Variants in GPS1 observed in about 807,000 individuals in gnomAD.
GPS1 encodes COP9 signalosome complex subunit 1.
Under a neutral mutation model 60.0 loss-of-function variants are expected in GPS1, and 11 were observed. The ratio of observed to expected loss-of-function variants is 0.18; its 90% CI spans 0.12 to 0.30. The LOEUF is 0.30. GPS1 is among the 10% of genes least tolerant of loss of function. GPS1 has a pLI of 1.00. For missense variants in GPS1, 543 were observed against 669.2 expected (o/e 0.81, Z 2.08); for synonymous variants, 343 against 269.8 (o/e 1.27, Z -2.66).
At chr17:82,051,262 C>T (rs779702801), upstream of GPS1, 158 of 1,346,726 alleles carry the variant, frequency 1.2e-4, no homozygotes, top group Middle Eastern at 1.3e-3. This position sits in a 1 kb window ranked among gnomAD's most constrained non-coding sequence, Gnocchi z 4.1. Context: ...GGGGGCAGAT[C>T]CCGCGGGCGC....
intron 1 of GPS1, chr17:82,052,393 C>A (rs140262257): frequency 1.1e-4 from 170 of 1,612,008 alleles, no homozygotes; most frequent in Non-Finnish European, 9.7e-5. Context: ...CAGACCTCGT[C>A]CTGCCCGGCA....
chr17:82,054,259 G>A (rs2031944238), intron 3 of GPS1: 1 of 730,972 alleles, frequency 1.4e-6, no homozygotes, highest in Non-Finnish European at 2.2e-6. Flanking sequence ...ATTCCAAGGG[G>A]AGCTGTTGGA....
At chr17:82,051,017 C>G (rs137964839), upstream of GPS1, 967 of 1,402,864 alleles carry the variant, frequency 6.9e-4, 5 homozygotes, top group African/African-American at 0.013. This position sits in a 1 kb window ranked among gnomAD's most constrained non-coding sequence, Gnocchi z 4.1. Context: ...CTGACCTGGC[C>G]TGGAAGGGCG....
At chr17:82,051,341 G>A, upstream of GPS1, 4 of 1,467,090 alleles carry the variant, frequency 2.7e-6, no homozygotes, top group African/African-American at 1.5e-5. This position sits in a 1 kb window ranked among gnomAD's most constrained non-coding sequence, Gnocchi z 4.1. Flanking sequence ...GAAGATAAAC[G>A]TCTGGGGGAG....
chr17:82,052,475 G>A (rs2031046067), intron 1 of GPS1: 3 of 1,605,184 alleles, frequency 1.9e-6, no homozygotes, highest in Non-Finnish European at 2.6e-6. Context: ...TTCCAGGACA[G>A]GGACCCCCGA....
chr17:82,052,497 G>T, intron 1 of GPS1: 1 of 1,595,654 alleles, frequency 6.3e-7, no homozygotes, highest in South Asian at 1.1e-5. Flanking sequence ...CGAGGGAGGG[G>T]GGAGCAGGGC....
At chr17:82,056,243 G>A in intron 8 of GPS1, 43 bp from the exon 9 acceptor site, 2 of 1,446,514 alleles carry the variant, frequency 1.4e-6, no homozygotes, top group Admixed American at 1.7e-5. Flanking sequence ...CTTGGAGGGA[G>A]GGGCAGGCAG....
upstream of GPS1, chr17:82,051,129 G>A (rs1403073222): frequency 1.1e-5 from 14 of 1,325,938 alleles, no homozygotes; most frequent in Non-Finnish European, 1.3e-5. This position sits in a 1 kb window ranked among gnomAD's most constrained non-coding sequence, Gnocchi z 4.1. Flanking sequence ...GGCTGGCAGG[G>A]TGGGCCCTCC....
chr17:82,053,465 C>T (rs887819962), intron 2 of GPS1, 99 bp downstream of exon 2: 50 of 853,534 alleles, frequency 5.9e-5, no homozygotes, highest in African/African-American at 7.0e-5. Context: ...GAATGATCCT[C>T]CTCAGTGATC....
chr17:82,054,603 G>A lies in GPS1; in HGVS notation c.402G>A (p.Ala134=), dbSNP rs747792808. The change falls in exon 4 of 13, where the codon GCG becomes GCA. Residue 134 remains alanine, a synonymous_variant. Coordinates refer to ENST00000578552, the MANE Select transcript of GPS1 (RefSeq NM_001321092.3). ...GGGTGGAGGCCACGCGGAAGAAGGCGCTGCTGAAGCTGGAGAAGCTGGACA... is the reference window on the plus strand; with the variant it reads ...GGGTGGAGGCCACGCGGAAGAAGGCACTGCTGAAGCTGGAGAAGCTGGACA... The part of the protein sequence containing the change: ...TAWVEATRKK[A]LLKLEKLDTD... 8.7e-6 allele frequency: 14 copies of A among 1,606,490 alleles called. No individual in the cohort carries two copies. Among genetic ancestry groups the A allele is most frequent in the East Asian group, 2.2e-5 (1 of 44,720 alleles).
At chr17:82,054,461 C>G in intron 3 of GPS1, 49 bp from the exon 4 acceptor site, 1 of 1,448,584 alleles carries the variant, frequency 6.9e-7, no homozygotes, top group African/African-American at 1.4e-5. Context: ...CTCCCCTCCT[C>G]CCTGGCCCCC....
chr17:82,052,697 T>G (rs2144347356), intron 1 of GPS1: 1 of 556,532 alleles, frequency 1.8e-6, no homozygotes, highest in South Asian at 2.2e-5. Context: ...TGGCGGCTTT[T>G]CCAGCCTGCT....
upstream of GPS1, chr17:82,051,451 C>G: frequency 3.0e-6 from 4 of 1,331,690 alleles, no homozygotes; most frequent in South Asian, 8.5e-5. This position sits in a 1 kb window ranked among gnomAD's most constrained non-coding sequence, Gnocchi z 4.1. Context: ...CCCTGGGAGG[C>G]GGGGCGGGTG....
At chr17:82,051,839 A>C, upstream of GPS1, 1 of 1,138,644 alleles carries the variant, frequency 8.8e-7, no homozygotes, top group African/African-American at 1.7e-5. This position sits in a 1 kb window ranked among gnomAD's most constrained non-coding sequence, Gnocchi z 4.1. Context: ...GGCCCCTTTA[A>C]GAACGCAGCG....
chr17:82,055,797 C>T lies in GPS1; in HGVS notation c.806C>T (p.Ala269Val). ...YKQAAKCLLL[A>V]SFDHCDFPEL... ...CAGGCTGCCAAGTGCCTCCTGCTGG[C>T]TTCCTTTGATCACTGTGACTTCCCT... The change falls in exon 7 of 13, where the codon GCT becomes GTT. Residue 269 changes from alanine to valine, a missense_variant. By Grantham distance (64) the Ala-to-Val change is moderately conservative. Coordinates refer to ENST00000578552, the MANE Select transcript of GPS1 (RefSeq NM_001321092.3). 1 of 1,564,300 alleles carries T rather than the reference C, an allele frequency of 6.4e-7. No homozygotes were observed. Among genetic ancestry groups the T allele is most frequent in the Non-Finnish European group, 8.7e-7 (1 of 1,153,636 alleles).
At chr17:82,051,381 C>T, upstream of GPS1, 1 of 1,442,312 alleles carries the variant, frequency 6.9e-7, no homozygotes, top group Non-Finnish European at 9.1e-7. This position sits in a 1 kb window ranked among gnomAD's most constrained non-coding sequence, Gnocchi z 4.1. Context: ...TGGGGCGCTG[C>T]CCAGGCCGGA....
intron 1 of GPS1, chr17:82,052,391 G>A (rs2031001155): frequency 6.2e-7 from 1 of 1,612,004 alleles, no homozygotes; most frequent in Admixed American, 1.7e-5. Context: ...GTCAGACCTC[G>A]TCCTGCCCGG....
At chr17:82,053,710 G>A in intron 2 of GPS1, 158 bp from the exon 3 acceptor site, 2 of 721,326 alleles carry the variant, frequency 2.8e-6, no homozygotes, top group Non-Finnish European at 4.4e-6. Context: ...GTAGCTCCTG[G>A]GACAGCAGTC....
chr17:82,055,923 C>A, intron 7 of GPS1, 78 bp from the exon 8 acceptor site: 1 of 1,433,124 alleles, frequency 7.0e-7, no homozygotes, highest in Non-Finnish European at 9.7e-7. Context: ...GGGTCTTAGG[C>A]ATTCTCCGAG....
Sources: gnomAD v4.1 joint callset for allele counts on GRCh38, gnomAD v4.1.1 for gene constraint, Gnocchi (gnomAD v3.1) non-coding constraint, MANE v1.5 for transcripts, NCBI Gene and HGNC (gene_info 2026-07-23, HGNC 2026-07-21) for gene names.